The following SRPK2 variants were observed in gnomAD, a reference collection of about 807,000 sequenced individuals.
SRPK2 encodes the protein SRSF protein kinase 2.
SRPK2 carries 21 observed loss-of-function variants against 90.8 expected under a neutral mutation model. That is an observed-to-expected ratio of 0.23 (90% CI 0.16 to 0.33). The LOEUF is 0.33. Among genes scored for constraint, SRPK2 ranks in the 10% least tolerant of loss-of-function variants. SRPK2 has a pLI of 1.00. For missense variants in SRPK2, 620 were observed against 869.0 expected (o/e 0.71, Z 3.60); for synonymous variants, 288 against 311.1 (o/e 0.93, Z 0.78).
intron 2 of SRPK2, among the ~76,000 whole-genome samples, chr7:105,251,831 G>GT (rs1305808208): frequency 6.6e-6 from 1 of 152,168 alleles, no homozygotes; most frequent in African/African-American, 2.4e-5. Context: ...TGTATTTTTT[G>GT]TAAGCTCTAG....
chr7:105,127,084 G>T, intron 13 of SRPK2, 22 bp from the exon 14 acceptor site: 1 of 1,613,476 alleles, frequency 6.2e-7, no homozygotes, highest in Non-Finnish European at 8.5e-7. Context: ...CAGACGACAT[G>T]CTAAGCACTT....
At chr7:105,274,457 G>A (rs901027929) in intron 2 of SRPK2, among the ~76,000 whole-genome samples, 19 of 152,168 alleles carry the variant, frequency 1.2e-4, no homozygotes, top group South Asian at 6.2e-4. Context: ...AGCTACTCGG[G>A]AGGCTGAGGC....
At chr7:105,205,636 C>A (rs536899348) in intron 2 of SRPK2, among the ~76,000 whole-genome samples, 1 of 151,562 alleles carries the variant, frequency 6.6e-6, no homozygotes, top group East Asian at 2.0e-4. Flanking sequence ...TTCTGGAAGC[C>A]ATGTAAATGC....
intron 2 of SRPK2, among the ~76,000 whole-genome samples, chr7:105,233,216 G>C (rs1799734642): frequency 6.6e-6 from 1 of 152,164 alleles, no homozygotes; most frequent in African/African-American, 2.4e-5. Flanking sequence ...TAGAAACTGA[G>C]TGGCTGTCTA....
intron 15 of SRPK2, among the ~76,000 whole-genome samples, chr7:105,124,338 TAACA>T (rs1800815369): frequency 6.6e-6 from 1 of 152,098 alleles, no homozygotes; most frequent in African/African-American, 2.4e-5. Context: ...GACAGACGAT[TAACA>T]AAGACAAATA....
intron 7 of SRPK2, among the ~76,000 whole-genome samples, chr7:105,149,109 T>C (rs1325189724): frequency 1.3e-5 from 2 of 152,090 alleles, no homozygotes; most frequent in African/African-American, 2.4e-5. Context: ...TGAGATGGAT[T>C]AGTAAAAGAG....
At chr7:105,339,919 G>A (rs772665010) in intron 2 of SRPK2, among the ~76,000 whole-genome samples, 2 of 152,118 alleles carry the variant, frequency 1.3e-5, no homozygotes, top group Non-Finnish European at 2.9e-5. Context: ...TTGTCCTGGC[G>A]CAGTGGCACA....
chr7:105,258,689 A>G (rs1406701870), intron 2 of SRPK2, among the ~76,000 whole-genome samples: 1 of 152,158 alleles, frequency 6.6e-6, no homozygotes, highest in Non-Finnish European at 1.5e-5. Flanking sequence ...ATCCACCACA[A>G]TCAACTTGGC....
chr7:105,373,737 C>T (rs2132495274), intron 2 of SRPK2, among the ~76,000 whole-genome samples: 1 of 152,028 alleles, frequency 6.6e-6, no homozygotes, highest in Non-Finnish European at 1.5e-5. Flanking sequence ...AGACCAAGCC[C>T]TCTTCTCTCC....
chr7:105,282,939 A>G (rs1456597350), intron 2 of SRPK2, among the ~76,000 whole-genome samples: 1 of 152,142 alleles, frequency 6.6e-6, no homozygotes, highest in African/African-American at 2.4e-5. Flanking sequence ...AACTCTTAAC[A>G]ATCAATTTAA....
chr7:105,195,023 T>C (rs1351127315), intron 3 of SRPK2, among the ~76,000 whole-genome samples: 1 of 152,184 alleles, frequency 6.6e-6, no homozygotes, highest in Non-Finnish European at 1.5e-5. Context: ...ATTTTGGCAC[T>C]GCTCTTTTGC....
chr7:105,273,406 A>T (rs745899038), intron 2 of SRPK2, among the ~76,000 whole-genome samples: 2 of 145,758 alleles, frequency 1.4e-5, no homozygotes, highest in Non-Finnish European at 3.0e-5. Context: ...TGTACACCCA[A>T]CTCGTTTTTT....
chr7:105,142,363 G>A lies in SRPK2; in HGVS notation c.1188C>T (p.Gly396=), dbSNP rs55639364. ...PTWIESPKTN[G]HIENGPFSLE... ...GTGAGAATGGGCCATTCTCAATATG[G>A]CCATTGGTTTTAGGTGATTCTATCC... The change falls in exon 11 of 16, where the codon GGC becomes GGT. Residue 396 remains glycine, a synonymous_variant. Transcript: ENST00000393651. The A allele has an allele frequency of 6.9e-5, 112 of 1,613,958 alleles. No individual in the cohort carries two copies. Among genetic ancestry groups the A allele is most frequent in the Non-Finnish European group, 8.6e-5 (101 of 1,180,016 alleles).
At chr7:105,199,800 G>T (rs1795324013) in intron 3 of SRPK2, among the ~76,000 whole-genome samples, 1 of 151,470 alleles carries the variant, frequency 6.6e-6, no homozygotes, top group African/African-American at 2.4e-5. Flanking sequence ...ATATGTTTGT[G>T]TTCCTAGCTC....
At chr7:105,292,659 T>C (rs1809215724) in intron 2 of SRPK2, among the ~76,000 whole-genome samples, 2 of 152,170 alleles carry the variant, frequency 1.3e-5, no homozygotes, top group Non-Finnish European at 2.9e-5. Flanking sequence ...ACAGCGCTTT[T>C]TGCTTGCTAT....
At chr7:105,132,974 C>T (rs1416933114) in intron 12 of SRPK2, 30 bp downstream of exon 12, 1 of 1,613,632 alleles carries the variant, frequency 6.2e-7, no homozygotes, top group South Asian at 1.1e-5. Flanking sequence ...GAATCAAGAC[C>T]AAAGGTTTTA....
At chr7:105,179,964 C>G (rs1274822233) in intron 3 of SRPK2, among the ~76,000 whole-genome samples, 1 of 151,962 alleles carries the variant, frequency 6.6e-6, no homozygotes, top group African/African-American at 2.4e-5. Flanking sequence ...AGTCCATGCC[C>G]ATGGACAGGA....
chr7:105,296,492 T>C (rs1396249705), intron 2 of SRPK2, among the ~76,000 whole-genome samples: 4 of 152,172 alleles, frequency 2.6e-5, no homozygotes, highest in East Asian at 1.9e-4. Context: ...AAAAAAGTCT[T>C]TAGAAAAAAG....
rs1197015608 is a variant in SRPK2, at chr7:105,146,514, G to C, written c.766C>G (p.Pro256Ala). ...TCACCTGCAGACCCTGAAGGAGGAG[G>C]AGCACCTGCTTTCTGCCACTCAGTG... ...EATEWQKAGA[P>A]PPSGSAVSTA... The change falls in exon 8 of 16, where the codon CCT (proline) becomes GCT (alanine). Residue 256 changes from proline (P) to alanine (A), a missense_variant. By Grantham distance (27) the Pro-to-Ala change is conservative. This residue lies in a region of SRPK2 where 196 missense variants were observed against 339.2 expected (regional missense o/e 0.58). Coordinates refer to ENST00000393651, the MANE Select transcript of SRPK2 (RefSeq NM_182692.3). 1.5e-5 allele frequency: 24 copies of C among 1,613,992 alleles called. No individual in the cohort carries two copies. Among genetic ancestry groups the C allele is most frequent in the Non-Finnish European group, 1.9e-5 (23 of 1,180,016 alleles).
Sources: gnomAD v4.1 joint callset for allele counts (sites outside exome capture counted in the v4.1 genomes callset) on GRCh38, gnomAD v4.1.1 for gene constraint, gnomAD v4.1.1 regional missense constraint, MANE v1.5 for transcripts, NCBI Gene and HGNC (gene_info 2026-07-23, HGNC 2026-07-21) for gene names.